DYNC2LI1: variants seen among roughly 807,000 people sequenced by gnomAD.
The protein encoded by DYNC2LI1 is dynein cytoplasmic 2 light intermediate chain 1, also known as cytoplasmic dynein 2 light intermediate chain 1.
DYNC2LI1 carries 45 observed loss-of-function variants against 51.9 expected under a neutral mutation model. The ratio of observed to expected loss-of-function variants is 0.87; its 90% CI spans 0.68 to 1.11. DYNC2LI1 has a LOEUF of 1.11. DYNC2LI1 is among the 50% of genes most tolerant of loss of function. The pLI, the probability that DYNC2LI1 is intolerant of heterozygous loss-of-function variation, is 0.00. For missense variants in DYNC2LI1, 490 were observed against 417.4 expected (o/e 1.17, Z -1.51); for synonymous variants, 130 against 137.8 (o/e 0.94, Z 0.40).
At chr2:43,779,003 C>G (rs1449668165) in intron 2 of DYNC2LI1, among the ~76,000 whole-genome samples, 1 of 152,112 alleles carries the variant, frequency 6.6e-6, no homozygotes, top group Non-Finnish European at 1.5e-5. Flanking sequence ...TGCTTGTAAT[C>G]CCAGGACTTT....
the DYNC2LI1 span, among the ~76,000 whole-genome samples, chr2:43,818,286 A>C: frequency 6.6e-6 from 1 of 152,072 alleles, no homozygotes; most frequent in Non-Finnish European, 1.5e-5. Context: ...TCTACTAAAA[A>C]TACAAAAATT....
the DYNC2LI1 span, chr2:43,823,026 G>A: frequency 5.2e-6 from 8 of 1,550,982 alleles, no homozygotes; most frequent in Non-Finnish European, 7.0e-6. Flanking sequence ...GTCTGTCAGG[G>A]CTGGATGGTG....
chr2:43,827,972 G>A, the DYNC2LI1 span: 1 of 1,613,826 alleles, frequency 6.2e-7, no homozygotes, highest in Non-Finnish European at 8.5e-7. Context: ...ACAGTTCTGG[G>A]TGCCACTTAC....
chr2:43,776,986 T>G (rs1673056655), intron 2 of DYNC2LI1, 87 bp downstream of exon 2: 1 of 707,754 alleles, frequency 1.4e-6, no homozygotes, highest in Non-Finnish European at 2.4e-6. Flanking sequence ...ATGTAGATAC[T>G]TCAACACTTT....
At chr2:43,795,229 G>T (rs1188593167) in intron 6 of DYNC2LI1, 10 of 982,384 alleles carry the variant, frequency 1.0e-5, no homozygotes, top group Non-Finnish European at 1.2e-5. Context: ...AGTGTAGCAG[G>T]GTGCGATGGC....
At position 43,801,700 on chromosome 2, in the gene DYNC2LI1, G is replaced by A. The variant is rs148959815; in HGVS notation, c.793G>A (p.Gly265Ser). The A allele has an allele frequency of 1.5e-3, 2,381 of 1,607,368 alleles. 33 individuals are homozygous for A. In the African/African-American group the frequency reaches 0.028, roughly 19 times the overall value. The change falls in exon 10 of 13, where the codon GGT becomes AGT. Residue 265 changes from glycine (G) to serine (S), a missense_variant. Gly to Ser is a moderately conservative substitution (Grantham distance 56). Transcript: ENST00000260605. ...TATCACAGCAGGATTGGATTCTTTC[G>A]GTCAAATAGGTTAGTGAACTTATTA... Reference protein sequence around the residue: ...LFITAGLDSFGQIGSPPVPEN... With the variant: ...LFITAGLDSFSQIGSPPVPEN...
chr2:43,782,819 T>A (rs1478928379), intron 2 of DYNC2LI1, among the ~76,000 whole-genome samples: 1 of 151,946 alleles, frequency 6.6e-6, no homozygotes, highest in Non-Finnish European at 1.5e-5. Flanking sequence ...TTGTTTCTAC[T>A]AAAAATACAA....
Position 43,805,185 on chromosome 2 carries a change from CT to C in DYNC2LI1, c.933del (p.Ala312ArgfsTer14), listed in dbSNP as rs746919172. On this transcript the variant is annotated frameshift_variant, in exon 12 of 13. Coordinates refer to ENST00000260605, the MANE Select transcript of DYNC2LI1 (RefSeq NM_016008.4). LOFTEE classifies it high-confidence loss of function. ...AACACGCTGAAAGATATCAAGGACC[CT>C]GCGAGAGATCCTCAGTATGCTGAAA... Reference protein sequence around the residue: ...SINTLKDIKDPARDPQYAENE... With the variant: ...SINTLKDIKDXARDPQYAENE... 1 of 1,612,156 alleles carries C rather than the reference CT, an allele frequency of 6.2e-7. No homozygotes were observed. The highest frequency in any genetic ancestry group is 8.5e-7 in the Non-Finnish European group (1 of 1,178,604).
At chr2:43,789,273 T>C (rs1434088151) in intron 4 of DYNC2LI1, among the ~76,000 whole-genome samples, 2 of 152,218 alleles carry the variant, frequency 1.3e-5, no homozygotes, top group African/African-American at 4.8e-5. Context: ...GAATTATAAA[T>C]GTTTTCCAAA....
intron 2 of DYNC2LI1, among the ~76,000 whole-genome samples, chr2:43,781,257 T>C (rs1481369524): frequency 2.0e-5 from 3 of 151,884 alleles, no homozygotes; most frequent in Non-Finnish European, 4.4e-5. Flanking sequence ...TAATCCCAGC[T>C]ACTCCGGAGG....
the DYNC2LI1 span, chr2:43,824,322 A>G: frequency 2.5e-6 from 4 of 1,614,142 alleles, no homozygotes; most frequent in Admixed American, 5.0e-5. Flanking sequence ...ATATTCTTCA[A>G]AGTTTTATGA....
chr2:43,802,646 A>G (rs911018822), intron 10 of DYNC2LI1, among the ~76,000 whole-genome samples: 2 of 152,144 alleles, frequency 1.3e-5, no homozygotes, highest in Non-Finnish European at 2.9e-5. Flanking sequence ...AGGCCAGAAG[A>G]GAGTTCATAA....
the DYNC2LI1 span, among the ~76,000 whole-genome samples, chr2:43,827,020 T>C: frequency 1.3e-5 from 2 of 152,214 alleles, no homozygotes; most frequent in African/African-American, 4.8e-5. Context: ...AGTAACTTAT[T>C]TCTTCCTAAA....
At chr2:43,794,990 A>G in intron 6 of DYNC2LI1, 3 of 1,190,578 alleles carry the variant, frequency 2.5e-6, no homozygotes, top group Non-Finnish European at 3.1e-6. Context: ...CAAAGACTAG[A>G]TGAAGCTACA....
At chr2:43,774,298 A>G (rs961092886) in intron 1 of DYNC2LI1, 152 bp downstream of exon 1, 9 of 1,020,504 alleles carry the variant, frequency 8.8e-6, no homozygotes, top group African/African-American at 8.1e-5. Context: ...AGCCTTGAGC[A>G]TAAAGATTCT....
the DYNC2LI1 span, chr2:43,820,087 G>GT: frequency 6.2e-7 from 1 of 1,613,890 alleles, no homozygotes; most frequent in African/African-American, 1.3e-5. Context: ...ACCTCAGGAT[G>GT]TAAGCCCAGC....
rs116684059 is a variant in DYNC2LI1, at chr2:43,777,029, A to G, written c.126+130A>G. On this transcript the variant is annotated intron_variant, in intron 2 of 12. Transcript: ENST00000260605. ...TGACCAATCTGGTTTAGCATGAATTAAAAAGTGCTTATTATTAATCTAGGA... is the reference window on the plus strand; with the variant it reads ...TGACCAATCTGGTTTAGCATGAATTGAAAAGTGCTTATTATTAATCTAGGA... 1,224 of 487,952 alleles carry G rather than the reference A, an allele frequency of 2.5e-3. 18 individuals are homozygous for G. Among genetic ancestry groups the G allele is most frequent in the African/African-American group, 0.022 (1,123 of 50,252 alleles). 30.2% of individuals were successfully genotyped at this position (487,952 alleles called of 1,614,324 possible). A position where few individuals can be genotyped will look rare whatever the true frequency, so the allele number is the denominator to read the frequency against.
intron 1 of DYNC2LI1, 78 bp downstream of exon 1, chr2:43,774,224 T>C: frequency 6.3e-7 from 1 of 1,587,510 alleles, no homozygotes; most frequent in Non-Finnish European, 8.6e-7. Context: ...CGGGACCAGC[T>C]GTTGGAAGAT....
At chr2:43,827,850 T>C in the DYNC2LI1 span, 54 of 1,431,716 alleles carry the variant, frequency 3.8e-5, no homozygotes, top group African/African-American at 6.2e-4. Flanking sequence ...GGTCCTCAGT[T>C]TGAAAAACCT....
Sources: gnomAD v4.1 joint callset for allele counts (sites outside exome capture counted in the v4.1 genomes callset) on GRCh38, gnomAD v4.1.1 for gene constraint, MANE v1.5 for transcripts, NCBI Gene and HGNC (gene_info 2026-07-23, HGNC 2026-07-21) for gene names.